STRIP1: variants seen among roughly 807,000 people sequenced by gnomAD.
STRIP1 encodes the protein striatin interacting protein 1.
STRIP1 carries 63 observed loss-of-function variants against 106.2 expected under a neutral mutation model. That is an observed-to-expected ratio of 0.59 (90% CI 0.48 to 0.73). The LOEUF (loss-of-function observed/expected upper bound fraction) is 0.73, where lower values mean the gene tolerates loss of function less well. STRIP1 is among the 30% of genes least tolerant of loss of function. The pLI, the probability that STRIP1 is intolerant of heterozygous loss-of-function variation, is 0.00. For missense variants in STRIP1, 857 were observed against 1,074.8 expected, an observed-to-expected ratio of 0.80 and a Z score of 2.83; for synonymous variants, 390 against 413.0, an observed-to-expected ratio of 0.94 and a Z score of 0.67.
At position 110,049,131 on chromosome 1, in the gene STRIP1, A is replaced by G; in HGVS notation, c.1681A>G (p.Met561Val). The change falls in exon 16 of 21, where the codon ATG becomes GTG. Residue 561 changes from methionine to valine, a missense_variant. Around this residue, in one of 2 missense-constraint regions of STRIP1, gnomAD observed 750 missense variants for 989.8 expected, o/e 0.76. Transcript: ENST00000369795. ...EEMPTTVLQSMKLGVDVNRHK... is the reference protein window; with the variant it reads ...EEMPTTVLQSVKLGVDVNRHK... ...TTCCAGCACCACAGTGTTGCAGAGCATGAAGCTGGGGGTGGATGTAAACCG... is the reference window on the plus strand; with the variant it reads ...TTCCAGCACCACAGTGTTGCAGAGCGTGAAGCTGGGGGTGGATGTAAACCG... 6.2e-7 allele frequency: 1 copy of G among 1,614,208 alleles called. No individual in the cohort carries two copies. The highest frequency in any genetic ancestry group is 8.5e-7 in the Non-Finnish European group (1 of 1,180,044).
intron 12 of STRIP1, 32 bp from the exon 13 acceptor site, chr1:110,046,648 C>T: frequency 6.2e-7 from 1 of 1,605,546 alleles, no homozygotes; most frequent in Non-Finnish European, 8.5e-7. Context: ...GAATGTTTTC[C>T]CCAGCCCTTC....
chr1:110,050,298 G>A, intron 17 of STRIP1, 45 bp from the exon 18 acceptor site: 1 of 1,599,012 alleles, frequency 6.3e-7, no homozygotes, highest in Middle Eastern at 1.7e-4. Flanking sequence ...ACCAGGCCCT[G>A]GGCCTTTGCT....
chr1:110,031,955 A>G (rs2101757216), upstream of STRIP1, among the ~76,000 whole-genome samples: 1 of 150,982 alleles, frequency 6.6e-6, no homozygotes, highest in South Asian at 2.1e-4. Flanking sequence ...GCTGGTCTCA[A>G]ATTCCTGGGC....
intron 1 of STRIP1, among the ~76,000 whole-genome samples, chr1:110,035,369 C>T (rs1191782600): frequency 6.6e-6 from 1 of 152,182 alleles, no homozygotes; most frequent in Non-Finnish European, 1.5e-5. Flanking sequence ...ATGTCCTGTT[C>T]TTCTGACCTG....
intron 19 of STRIP1, 88 bp downstream of exon 19, chr1:110,051,148 T>A: frequency 2.3e-6 from 2 of 863,066 alleles, no homozygotes; most frequent in Non-Finnish European, 2.0e-6. Context: ...TGGGGCTCAC[T>A]GTGCCTTCTC....
intron 8 of STRIP1, 22 bp downstream of exon 8, chr1:110,041,883 G>A: frequency 1.9e-6 from 3 of 1,613,096 alleles, no homozygotes; most frequent in Non-Finnish European, 2.5e-6. Context: ...CTTGGAGGAG[G>A]AGAACGGTGC....
At chr1:110,036,041 T>G (rs1298602995) in intron 1 of STRIP1, among the ~76,000 whole-genome samples, 1 of 152,248 alleles carries the variant, frequency 6.6e-6, no homozygotes, top group South Asian at 2.1e-4. Context: ...GGGGTGAACC[T>G]ACCTTCATCA....
In STRIP1 at chr1:110,050,403, G is replaced by A. The variant is rs1570928741; in HGVS notation, c.1950G>A (p.Glu650=). 8 of 1,614,074 alleles carry A rather than the reference G, an allele frequency of 5.0e-6. No individual in the cohort carries two copies. The African/African-American group carries it at 9.3e-5, about 19-fold the overall frequency. Residue 650 remains glutamate (E), a synonymous_variant, in exon 18 of 21, where the codon GAG becomes GAA. Transcript: ENST00000369795. ...VVHELPELTA[E]SLEAGDSNQF... ...ATGAGCTGCCAGAGCTGACGGCGGA[G>A]AGTTTGGTGAGTGGCTGGGCTCTCC...
Position 110,046,671 on chromosome 1 carries a change from T to C in STRIP1, c.1417-9T>C. The C allele has an allele frequency of 1.2e-6, 2 of 1,613,012 alleles. No homozygotes were observed. Among genetic ancestry groups the C allele is most frequent in the Non-Finnish European group, 1.7e-6 (2 of 1,179,234 alleles). ...TCCCCAGCCCTTCTTTTCCCATCTCTCCCACCAGCACAAGTACACGTCGAT... is the reference window on the plus strand; with the variant it reads ...TCCCCAGCCCTTCTTTTCCCATCTCCCCCACCAGCACAAGTACACGTCGAT... On this transcript the variant is annotated splice_polypyrimidine_tract_variant and intron_variant, in intron 12 of 20. Coordinates refer to ENST00000369795, the MANE Select transcript of STRIP1 (RefSeq NM_033088.4).
rs759723381 is a variant in STRIP1 at position 110,041,654 on chromosome 1, G to C, written c.757+12G>C. 11 of 1,614,106 alleles carry C rather than the reference G, an allele frequency of 6.8e-6. No homozygotes were observed. The highest frequency in any genetic ancestry group is 9.3e-6 in the Non-Finnish European group (11 of 1,180,012). On this transcript the variant is annotated intron_variant, in intron 7 of 20. Transcript: ENST00000369795. ...CAGAGCCGAGCTGGGTAGGACCCTG[G>C]GGATCCTCTCTAGAGGCCCTGCCTG... is the stretch of plus-strand genomic sequence containing the variant.
chr1:110,043,177 C>T lies in STRIP1; in HGVS notation c.975C>T (p.Ile325=). 1.2e-6 allele frequency: 2 copies of T among 1,614,090 alleles called. No individual in the cohort carries two copies. The highest frequency in any genetic ancestry group is 1.7e-6 in the Non-Finnish European group (2 of 1,180,056). ...LGLPPLPEDS[I]KVIRNMRAAS... is the part of the protein sequence containing the mutation. ...TCCCCCCGCTTCCTGAGGACAGCATCAAAGTGATTCGCAACATGAGAGCAG... is the reference window on the plus strand; with the variant it reads ...TCCCCCCGCTTCCTGAGGACAGCATTAAAGTGATTCGCAACATGAGAGCAG... The change falls in exon 9 of 21, where the codon ATC becomes ATT. Residue 325 remains isoleucine, a synonymous_variant. Coordinates refer to ENST00000369795, the MANE Select transcript of STRIP1 (RefSeq NM_033088.4).
chr1:110,038,048 C>T (rs1227628102), intron 2 of STRIP1, 88 bp downstream of exon 2: 2 of 528,266 alleles, frequency 3.8e-6, no homozygotes, highest in Admixed American at 2.5e-5. Context: ...TTTAGGGCTT[C>T]ATTGCTTTCC....
intron 15 of STRIP1, 144 bp from the exon 16 acceptor site, chr1:110,048,968 C>G: frequency 1.1e-6 from 1 of 886,392 alleles, no homozygotes; most frequent in Non-Finnish European, 1.7e-6. Context: ...GGGGAGCCCT[C>G]GGCTGACTTC....
chr1:110,049,426 CTTTTTT>C, intron 16 of STRIP1, 28 bp from the exon 17 acceptor site: 82 of 1,320,048 alleles, frequency 6.2e-5, no homozygotes, highest in Non-Finnish European at 7.2e-5. Context: ...AGGGCCGCGC[CTTTTTT>C]TTTTTTTTTT....
At chr1:110,040,735 C>T (rs747967189) in intron 6 of STRIP1, 32 bp downstream of exon 6, 28 of 1,585,098 alleles carry the variant, frequency 1.8e-5, no homozygotes, top group Middle Eastern at 1.8e-4. Flanking sequence ...GGCTCCTGAG[C>T]GTTAGTCAGA....
intron 6 of STRIP1, 169 bp from the exon 7 acceptor site, chr1:110,041,367 C>A: frequency 3.5e-6 from 2 of 565,046 alleles, no homozygotes; most frequent in East Asian, 3.0e-5. Flanking sequence ...TTTTTCTTTT[C>A]AGGAAGCTTA....
At chr1:110,040,555 C>T in intron 5 of STRIP1, 80 bp from the exon 6 acceptor site, 1 of 1,355,072 alleles carries the variant, frequency 7.4e-7, no homozygotes, top group Non-Finnish European at 1.0e-6. Context: ...CATTTTGTTT[C>T]CCCATTGGTC....
intron 13 of STRIP1, among the ~76,000 whole-genome samples, chr1:110,047,132 C>T (rs922186322): frequency 2.6e-5 from 4 of 152,152 alleles, no homozygotes; most frequent in Non-Finnish European, 5.9e-5. Flanking sequence ...CACAAGGTTG[C>T]CCCAGGCCCT....
At chr1:110,041,907 G>A (rs755986469) in intron 8 of STRIP1, 46 bp downstream of exon 8, 8 of 1,572,248 alleles carry the variant, frequency 5.1e-6, no homozygotes, top group Non-Finnish European at 6.1e-6. Context: ...GGGATGGGCA[G>A]TAGGGAGACT....
Sources: allele counts gnomAD v4.1 joint callset (sites outside exome capture counted in the v4.1 genomes callset), GRCh38; gene constraint gnomAD v4.1.1; regional missense constraint gnomAD v4.1.1; transcripts MANE v1.5; gene names NCBI Gene and HGNC (gene_info 2026-07-23, HGNC 2026-07-21).